The following RAD18 variants were observed in gnomAD, a reference collection of about 807,000 sequenced individuals.
RAD18 encodes the protein RAD18 E3 ubiquitin protein ligase, also known as E3 ubiquitin-protein ligase RAD18.
RAD18 carries 47 observed loss-of-function variants against 60.4 expected under a neutral mutation model. The observed-to-expected ratio is 0.78, with a 90% CI of 0.62 to 0.99. The LOEUF (loss-of-function observed/expected upper bound fraction) is 0.99, where lower values mean the gene tolerates loss of function less well. Ranked by LOEUF, RAD18 falls within the 50% of genes least tolerant of loss-of-function variation. The pLI is 0.00. For synonymous variants in RAD18, 225 were observed against 195.5 expected (o/e 1.15, Z -1.26); for missense variants, 640 against 593.3 (o/e 1.08, Z -0.82).
chr3:8,905,984 T>A (rs559197680), intron 9 of RAD18, among the ~76,000 whole-genome samples: 1 of 152,220 alleles, frequency 6.6e-6, no homozygotes, highest in African/African-American at 2.4e-5. Flanking sequence ...GTCCTTGCTA[T>A]AATTAAAGGC....
chr3:8,896,435 C>G (rs1240967110), intron 11 of RAD18, among the ~76,000 whole-genome samples: 1 of 151,688 alleles, frequency 6.6e-6, no homozygotes, highest in East Asian at 1.9e-4. Flanking sequence ...CAAAAAAAAG[C>G]AGAAGAAAGC....
intron 10 of RAD18, among the ~76,000 whole-genome samples, chr3:8,901,215 T>C (rs951667528): frequency 8.5e-5 from 13 of 152,194 alleles, no homozygotes; most frequent in African/African-American, 2.9e-4. Context: ...GGAACCCTCA[T>C]GCTTCGCTGG....
chr3:8,922,474 G>C (rs1033818363), intron 7 of RAD18, among the ~76,000 whole-genome samples: 4 of 152,230 alleles, frequency 2.6e-5, no homozygotes, highest in African/African-American at 7.2e-5. Context: ...TGCCTCTGTA[G>C]ACTCCACCTC....
At chr3:8,923,438 C>T (rs626026) in intron 7 of RAD18, among the ~76,000 whole-genome samples, 105,062 of 151,880 alleles carry the variant, frequency 0.69, 36,892 homozygotes, top group Middle Eastern at 0.77. Context: ...CTACGTCTCA[C>T]TGGTGTACCT....
intron 2 of RAD18, among the ~76,000 whole-genome samples, chr3:8,957,255 G>T (rs1270544524): frequency 6.6e-6 from 1 of 152,104 alleles, no homozygotes; most frequent in Non-Finnish European, 1.5e-5. Flanking sequence ...CTCCCAAATT[G>T]ATCTCTAGAT....
chr3:8,930,343 A>G (rs630763), intron 7 of RAD18, among the ~76,000 whole-genome samples: 82,691 of 152,112 alleles, frequency 0.54, 26,319 homozygotes, highest in Middle Eastern at 0.71. Flanking sequence ...ACTTAAATGG[A>G]ATATCCAGAA....
At chr3:8,957,241 A>C (rs544810747) in intron 2 of RAD18, among the ~76,000 whole-genome samples, 1 of 152,220 alleles carries the variant, frequency 6.6e-6, no homozygotes, top group African/African-American at 2.4e-5. Context: ...TTAAGATGTC[A>C]ATTCTCCCAA....
rs959636635 is a variant in RAD18, at chr3:8,963,267, T to A, written c.51+68A>T. On this transcript the variant is annotated intron_variant, in intron 1 of 12. Coordinates refer to ENST00000264926, the MANE Select transcript of RAD18 (RefSeq NM_020165.4). The stretch of plus-strand genomic sequence containing the variant: ...ATCCTTTCTCCTTAAGGCGAGGACA[T>A]CCTCCTCAAAGGGAGGGACCTCCCC... 2.0e-6 allele frequency: 3 copies of A among 1,476,004 alleles called. No individual in the cohort carries two copies. In the African/African-American group the frequency reaches 4.3e-5, roughly 21 times the overall value. The allele number at this position is 1,476,004 out of a possible 1,614,324, so 91.4% of individuals were successfully genotyped here. A position where few individuals can be genotyped will look rare whatever the true frequency, so the allele number is the denominator to read the frequency against.
intron 7 of RAD18, among the ~76,000 whole-genome samples, chr3:8,917,108 A>G (rs1381386232): frequency 6.6e-6 from 1 of 152,124 alleles, no homozygotes; most frequent in Non-Finnish European, 1.5e-5. Flanking sequence ...AAAAATCAAG[A>G]ATTACATTAC....
At chr3:8,950,400 G>C (rs1360512827) in intron 2 of RAD18, among the ~76,000 whole-genome samples, 1 of 152,092 alleles carries the variant, frequency 6.6e-6, no homozygotes, top group Non-Finnish European at 1.5e-5. Flanking sequence ...TAATCTACTG[G>C]AGTTTTATCA....
chr3:8,892,149 A>G (rs1474891243), intron 11 of RAD18, among the ~76,000 whole-genome samples: 1 of 152,222 alleles, frequency 6.6e-6, no homozygotes, highest in Admixed American at 6.5e-5. Flanking sequence ...ACTCATTCTG[A>G]TATTTCTGGG....
chr3:8,931,255 C>T (rs1257802460), intron 7 of RAD18, among the ~76,000 whole-genome samples: 2 of 152,052 alleles, frequency 1.3e-5, no homozygotes. Flanking sequence ...TTTAAAACTA[C>T]TCACAATAGC....
chr3:8,906,577 T>C (rs1285349339), intron 9 of RAD18, among the ~76,000 whole-genome samples: 1 of 152,204 alleles, frequency 6.6e-6, no homozygotes, highest in East Asian at 1.9e-4. Flanking sequence ...ATGTTGTCTG[T>C]TCACAGCAAC....
chr3:8,954,944 G>GA (rs1940983874), intron 2 of RAD18, among the ~76,000 whole-genome samples: 1 of 151,530 alleles, frequency 6.6e-6, no homozygotes, highest in Admixed American at 6.6e-5. Context: ...CTTCACAAGT[G>GA]AAAAAAAAGT....
intron 9 of RAD18, among the ~76,000 whole-genome samples, chr3:8,906,828 G>A (rs1940013835): frequency 1.4e-5 from 2 of 146,914 alleles, no homozygotes; most frequent in Middle Eastern, 3.5e-3. Context: ...TGTTATTTAT[G>A]CTAACATGTA....
intron 12 of RAD18, 144 bp from the exon 13 acceptor site, chr3:8,881,603 T>G (rs1432020436): frequency 3.2e-6 from 2 of 633,066 alleles, no homozygotes; most frequent in African/African-American, 1.9e-5. Flanking sequence ...TAATTGTTAT[T>G]ATTAGTATTT....
intron 6 of RAD18, among the ~76,000 whole-genome samples, chr3:8,937,694 T>A (rs1181315020): frequency 6.6e-6 from 1 of 152,162 alleles, no homozygotes; most frequent in Admixed American, 6.5e-5. Context: ...ATGGAAGTGA[T>A]GAGAACAGAA....
At position 8,877,712 on chromosome 3, in the gene RAD18, C is replaced by T. The variant is rs1344739093; in HGVS notation, c.*3645G>A. The stretch of plus-strand genomic sequence containing the variant: ...ATCTTCCCTTCTGATCTACAAGCTC[C>T]ATCAGGGCAGGAACTGTCTTTGTTT... On this transcript the variant is annotated 3_prime_UTR_variant, in exon 13 of 13. Transcript: ENST00000264926. 5 of 152,168 alleles carry T rather than the reference C, an allele frequency of 3.3e-5. No individual in the cohort carries two copies. The highest frequency in any genetic ancestry group is 1.3e-4 in the Admixed American group (2 of 15,280). The allele number at this position is 152,168 out of a possible 1,614,324, so 9.4% of individuals were successfully genotyped here. A position where few individuals can be genotyped will look rare whatever the true frequency, so the allele number is the denominator to read the frequency against.
At chr3:8,943,593 G>A (rs1198723300) in intron 4 of RAD18, among the ~76,000 whole-genome samples, 1 of 151,810 alleles carries the variant, frequency 6.6e-6, no homozygotes, top group East Asian at 1.9e-4. Flanking sequence ...CAGAAAGAAA[G>A]AATGGGAAAT....
Sources: allele counts gnomAD v4.1 joint callset (sites outside exome capture counted in the v4.1 genomes callset), GRCh38; gene constraint gnomAD v4.1.1; transcripts MANE v1.5; gene names NCBI Gene and HGNC (gene_info 2026-07-23, HGNC 2026-07-21).